PVALB: variants seen among roughly 807,000 people sequenced by gnomAD.
PVALB encodes the protein parvalbumin alpha.
In PVALB, 11 loss-of-function variants were observed where a neutral mutation model predicts 10.9. The ratio of observed to expected loss-of-function variants is 1.01; its 90% CI spans 0.63 to 1.67. The LOEUF (loss-of-function observed/expected upper bound fraction) is 1.67, where lower values mean the gene tolerates loss of function less well. PVALB is among the 40% of genes most tolerant of loss of function. The pLI, the probability that PVALB is intolerant of heterozygous loss-of-function variation, is 0.00. For missense variants in PVALB, 131 were observed against 136.2 expected (o/e 0.96, Z 0.19); for synonymous variants, 57 against 50.7 (o/e 1.12, Z -0.53).
intron 3 of PVALB, among the ~76,000 whole-genome samples, chr22:36,804,700 C>T (rs1391341733): frequency 1.3e-5 from 2 of 152,174 alleles, no homozygotes; most frequent in African/African-American, 4.8e-5. Context: ...CTTTGGGAGG[C>T]TGAGGTGGGC....
At chr22:36,810,501 G>GTCTGTGCTC (rs1386744459) in intron 3 of PVALB, among the ~76,000 whole-genome samples, 3 of 152,206 alleles carry the variant, frequency 2.0e-5, no homozygotes, top group Non-Finnish European at 2.9e-5. Flanking sequence ...CCTCAGGGTG[G>GTCTGTGCTC]TCTGTGCTCA....
At chr22:36,811,516 C>T (rs1197455928) in intron 3 of PVALB, 2 of 467,028 alleles carry the variant, frequency 4.3e-6, no homozygotes, top group Non-Finnish European at 8.9e-6. Flanking sequence ...CAGTCAACAT[C>T]TGCTGGATCT....
At chr22:36,817,107 G>GCGCACGCCCGC (rs1183820463), upstream of PVALB, 1 of 1,128,282 alleles carries the variant, frequency 8.9e-7, no homozygotes, top group Non-Finnish European at 1.2e-6. Context: ...TGCGCGCCGG[G>GCGCACGCCCGC]CGCACGCCCG....
Position 36,800,969 on chromosome 22 carries a change from A to G in PVALB, c.305-51T>C, listed in dbSNP as rs1319343541. 4 of 1,564,654 alleles carry G rather than the reference A, an allele frequency of 2.6e-6. No individual in the cohort carries two copies. The Admixed American group carries it at 5.0e-5, about 20-fold the overall frequency. On this transcript the variant is annotated intron_variant, in intron 3 of 3. Transcript: ENST00000417718. ...TGAGTCAGAGGCGGGGATGCAAGAGAGACTGTCCACACCTGACTGCGGGGC... is the reference window on the plus strand; with the variant it reads ...TGAGTCAGAGGCGGGGATGCAAGAGGGACTGTCCACACCTGACTGCGGGGC...
At chr22:36,817,209 A>C, upstream of PVALB, 1 of 383,302 alleles carries the variant, frequency 2.6e-6, no homozygotes, top group South Asian at 1.0e-4. Context: ...GGCCGCCGGC[A>C]AGAAGGCGCG....
Position 36,815,251 on chromosome 22 carries a change from C to G in PVALB, c.62-16G>C, listed in dbSNP as rs367804195. ...GAGTCGGTAGCTGTGGGGGGAAGAG[C>G]AGGGTCAAACAAGGACCAGAAAGGC... is the stretch of plus-strand genomic sequence containing the variant. On this transcript the variant is annotated splice_polypyrimidine_tract_variant and intron_variant, in intron 1 of 3. Transcript: ENST00000417718. 7 of 1,613,910 alleles carry G rather than the reference C, an allele frequency of 4.3e-6. No individual in the cohort carries two copies. In the African/African-American group the frequency reaches 6.7e-5, roughly 15 times the overall value.
At chr22:36,815,257 C>A in intron 1 of PVALB, 22 bp from the exon 2 acceptor site, 1 of 1,613,936 alleles carries the variant, frequency 6.2e-7, no homozygotes, top group South Asian at 1.1e-5. Flanking sequence ...AGAGCAGGGT[C>A]AAACAAGGAC....
intron 3 of PVALB, among the ~76,000 whole-genome samples, chr22:36,809,766 G>A (rs929939913): frequency 5.3e-5 from 8 of 151,438 alleles, no homozygotes; most frequent in African/African-American, 1.9e-4. Context: ...GTGGTCTTCT[G>A]TGTAGAGGTT....
chr22:36,818,850 C>A (rs1424619431), upstream of PVALB: 1 of 152,362 alleles, frequency 6.6e-6, no homozygotes, highest in Non-Finnish European at 1.5e-5. Context: ...TCTGGGTGAT[C>A]CTCCCTGGTG....
At chr22:36,805,194 T>A (rs1938930846) in intron 3 of PVALB, among the ~76,000 whole-genome samples, 1 of 152,132 alleles carries the variant, frequency 6.6e-6, no homozygotes, top group African/African-American at 2.4e-5. Context: ...GCAAGCAAGC[T>A]GGGGGTAACT....
chr22:36,808,167 C>A (rs1453433905), intron 3 of PVALB, among the ~76,000 whole-genome samples: 1 of 152,238 alleles, frequency 6.6e-6, no homozygotes. Flanking sequence ...GGCTTCACAG[C>A]AAGTCGCTCT....
chr22:36,815,104 C>T lies in PVALB; in HGVS notation c.193G>A (p.Gly65Arg), dbSNP rs147596087. 2.0e-3 allele frequency: 3,236 copies of T among 1,614,156 alleles called. 64 individuals carry two copies. In the African/African-American group the frequency reaches 0.039, roughly 20 times the overall value. ...KSGFIEEDEL[G>R]FILKGFSPDA... The stretch of plus-strand genomic sequence containing the variant: ...CAGCCCCTGCAGGCCTCCGCTTACC[C>T]CAGCTCATCCTCCTCGATGAAGCCA... The change falls in exon 2 of 4, where the codon GGA becomes AGA. Residue 65 changes from glycine (G) to arginine (R), a missense_variant and splice_region_variant. Transcript: ENST00000417718.
intron 1 of PVALB, 194 bp from the exon 2 acceptor site, chr22:36,815,429 G>T (rs1939123691): frequency 1.4e-6 from 1 of 717,868 alleles, no homozygotes; most frequent in Non-Finnish European, 2.2e-6. Flanking sequence ...ACAAGGCTGG[G>T]AGTGGAAGAG....
At position 36,815,159 on chromosome 22, in the gene PVALB, C is replaced by T. The variant is rs143039041; in HGVS notation, c.138G>A (p.Lys46=). Reference sequence around the variant, plus strand: ...TGTCCTTGTCCAGCATGTGAAACACCTTCTTCACATCATCCGCACTCTTTT... The same window carrying T: ...TGTCCTTGTCCAGCATGTGAAACACTTTCTTCACATCATCCGCACTCTTTT... ...LKKKSADDVK[K]VFHMLDKDKS... The change falls in exon 2 of 4, where the codon AAG becomes AAA. Residue 46 remains lysine (K), a synonymous_variant. Coordinates refer to ENST00000417718, the MANE Select transcript of PVALB (RefSeq NM_001315532.2). The T allele has an allele frequency of 4.0e-5, 64 of 1,614,072 alleles. No homozygotes were observed. In the African/African-American group the frequency reaches 7.3e-4, roughly 19 times the overall value.
chr22:36,805,492 C>T (rs1399106850), intron 3 of PVALB, among the ~76,000 whole-genome samples: 5 of 152,188 alleles, frequency 3.3e-5, no homozygotes, highest in African/African-American at 1.2e-4. Context: ...TTAGCATCAT[C>T]GTTGTTCTTG....
At chr22:36,800,983 T>A in intron 3 of PVALB, 65 bp from the exon 4 acceptor site, 2 of 1,505,752 alleles carry the variant, frequency 1.3e-6, no homozygotes, top group Non-Finnish European at 1.8e-6. Context: ...TGTCCACACC[T>A]GACTGCGGGG....
chr22:36,802,902 G>T (rs1418845671), intron 3 of PVALB, among the ~76,000 whole-genome samples: 1 of 152,096 alleles, frequency 6.6e-6, no homozygotes, highest in African/African-American at 2.4e-5. Flanking sequence ...ACAAATACTC[G>T]TACAGAATCC....
intron 3 of PVALB, among the ~76,000 whole-genome samples, chr22:36,805,493 G>A (rs1290513780): frequency 3.3e-5 from 5 of 152,276 alleles, no homozygotes; most frequent in East Asian, 1.9e-4. Flanking sequence ...TAGCATCATC[G>A]TTGTTCTTGT....
intron 3 of PVALB, among the ~76,000 whole-genome samples, chr22:36,810,206 G>A (rs918719167): frequency 2.0e-5 from 3 of 152,166 alleles, no homozygotes; most frequent in Non-Finnish European, 4.4e-5. Flanking sequence ...TAAAGACAAG[G>A]CACTTTATGG....
Sources: allele counts gnomAD v4.1 joint callset (sites outside exome capture counted in the v4.1 genomes callset), GRCh38; gene constraint gnomAD v4.1.1; transcripts MANE v1.5; gene names NCBI Gene and HGNC (gene_info 2026-07-23, HGNC 2026-07-21).